The following RARB variants were observed in gnomAD, a reference collection of about 807,000 sequenced individuals.
RARB encodes retinoic acid receptor beta.
RARB carries 17 observed loss-of-function variants against 51.9 expected under a neutral mutation model. The ratio of observed to expected loss-of-function variants is 0.33; its 90% confidence interval spans 0.22 to 0.49. The LOEUF is 0.49. Ranked by LOEUF, RARB falls within the 20% of genes least tolerant of loss-of-function variation. The pLI is 0.99. For synonymous variants in RARB, 215 were observed against 195.4 expected (o/e 1.10, Z -0.84); for missense variants, 369 against 550.8 (o/e 0.67, Z 3.30).
At chr3:25,031,414 C>T (rs540692673) in intron 2 of RARB, among the ~76,000 whole-genome samples, 4 of 152,236 alleles carry the variant, frequency 2.6e-5, no homozygotes, top group Admixed American at 2.6e-4. Context: ...TACAAATTCC[C>T]AAGGAAAGAG....
In RARB at chr3:25,369,418, A is replaced by C. The variant is rs146700938; in HGVS notation, c.179-91775A>C. Among the ~76,000 whole-genome samples the C allele has an allele frequency of 4.1e-3, 625 of 152,296 alleles. 1 individual carries two copies. Among genetic ancestry groups the C allele is most frequent in the Non-Finnish European group, 6.7e-3 (456 of 68,024 alleles). On this transcript the variant is annotated intron_variant, in intron 5 of 11. Coordinates refer to the RARB transcript ENST00000383772. ...TGAGAATACAATAATGAAAAGAAGA[A>C]ATAAGATGCTGATCCTCAGAGCAGC...
intron 5 of RARB, among the ~76,000 whole-genome samples, chr3:25,348,027 C>T (rs1054291834): frequency 3.9e-5 from 6 of 152,170 alleles, no homozygotes; most frequent in African/African-American, 1.4e-4. Flanking sequence ...CTGATTAATG[C>T]ACATTTTTCA....
chr3:25,526,837 T>C (rs1468831255), intron 3 of RARB, among the ~76,000 whole-genome samples: 2 of 152,220 alleles, frequency 1.3e-5, no homozygotes, highest in Non-Finnish European at 2.9e-5. Context: ...TAGTTTCCCA[T>C]GATTCCTTAC....
chr3:25,416,955 C>T (rs1707721151), intron 5 of RARB, among the ~76,000 whole-genome samples: 1 of 152,158 alleles, frequency 6.6e-6, no homozygotes, highest in Non-Finnish European at 1.5e-5. Flanking sequence ...CTCTGGCTCA[C>T]CAACTTAGTT....
chr3:24,973,427 T>A (rs1696444307), intron 2 of RARB, among the ~76,000 whole-genome samples: 1 of 152,078 alleles, frequency 6.6e-6, no homozygotes, highest in African/African-American at 2.4e-5. Flanking sequence ...TTCTTTTTGA[T>A]CAGCATTGCT....
chr3:24,945,316 C>T (rs1695750683), intron 2 of RARB, among the ~76,000 whole-genome samples: 1 of 152,192 alleles, frequency 6.6e-6, no homozygotes. Flanking sequence ...TCTGTACACC[C>T]TTTGCCTACA....
intron 5 of RARB, among the ~76,000 whole-genome samples, chr3:25,299,569 A>T (rs888654552): frequency 6.6e-6 from 1 of 152,186 alleles, no homozygotes; most frequent in Non-Finnish European, 1.5e-5. Context: ...AGTGCCTGGT[A>T]TGATTTTCTT....
chr3:25,001,393 G>C (rs1441934046), intron 2 of RARB, among the ~76,000 whole-genome samples: 2 of 152,140 alleles, frequency 1.3e-5, no homozygotes, highest in Non-Finnish European at 2.9e-5. Flanking sequence ...TTTTGTGAGA[G>C]GTTTTGATAA....
chr3:25,230,431 C>T (rs1702150412), intron 5 of RARB, among the ~76,000 whole-genome samples: 1 of 152,024 alleles, frequency 6.6e-6, no homozygotes, highest in Non-Finnish European at 1.5e-5. Flanking sequence ...GCTAGAATGA[C>T]ATGAAGAAAC....
intron 5 of RARB, among the ~76,000 whole-genome samples, chr3:25,420,344 C>T (rs898641540): frequency 6.6e-6 from 1 of 152,126 alleles, no homozygotes; most frequent in African/African-American, 2.4e-5. Context: ...GAAGGAAATT[C>T]CTTTGGGCTT....
chr3:25,569,957 A>G (rs757375575), intron 4 of RARB, 39 bp downstream of exon 4: 105 of 1,582,296 alleles, frequency 6.6e-5, no homozygotes, highest in Non-Finnish European at 8.7e-5. Flanking sequence ...GGGAGTGTGG[A>G]AACCTTGTAC....
intron 2 of RARB, among the ~76,000 whole-genome samples, chr3:25,469,084 T>C (rs1379301578): frequency 3.9e-5 from 6 of 152,230 alleles, no homozygotes; most frequent in Non-Finnish European, 8.8e-5. Context: ...AGGGCTAATT[T>C]TGTCCATTTT....
intron 2 of RARB, among the ~76,000 whole-genome samples, chr3:25,473,996 C>T (rs1467264681): frequency 6.7e-6 from 1 of 149,496 alleles, no homozygotes. Context: ...GTTCTGTGAG[C>T]CTTAAAATAA....
At chr3:25,361,309 GC>G in intron 5 of RARB, among the ~76,000 whole-genome samples, 1 of 152,232 alleles carries the variant, frequency 6.6e-6, no homozygotes, top group African/African-American at 2.4e-5. Flanking sequence ...AAGTTCTTGT[GC>G]TATGTTTTTC....
At chr3:25,433,156 C>T (rs1347303859) in intron 1 of RARB, among the ~76,000 whole-genome samples, 1 of 152,164 alleles carries the variant, frequency 6.6e-6, no homozygotes, top group Non-Finnish European at 1.5e-5. Flanking sequence ...TAGATAGAAT[C>T]TTGCCTTTCA....
At chr3:24,979,368 G>A (rs1307809960) in intron 2 of RARB, among the ~76,000 whole-genome samples, 1 of 152,144 alleles carries the variant, frequency 6.6e-6, no homozygotes, top group Non-Finnish European at 1.5e-5. Flanking sequence ...TTGTGTGGGA[G>A]TCTAAGTCTC....
intron 5 of RARB, chr3:25,174,588 G>A (rs1203074289): frequency 7.4e-7 from 1 of 1,351,898 alleles, no homozygotes; most frequent in Non-Finnish European, 9.8e-7. Flanking sequence ...AAGTCCTGCT[G>A]GAATTTGCTC....
chr3:25,502,702 G>A (rs906722192), intron 3 of RARB, among the ~76,000 whole-genome samples: 3 of 152,152 alleles, frequency 2.0e-5, no homozygotes, highest in African/African-American at 4.8e-5. Context: ...AGACTCGTGC[G>A]TAGAATATCA....
At chr3:24,861,914 G>A (rs1255023327) in intron 2 of RARB, among the ~76,000 whole-genome samples, 1 of 152,218 alleles carries the variant, frequency 6.6e-6, no homozygotes, top group African/African-American at 2.4e-5. Flanking sequence ...CACTGGTAGG[G>A]CAGTAAACCA....
Sources: allele counts gnomAD v4.1 joint callset (sites outside exome capture counted in the v4.1 genomes callset), GRCh38; gene constraint gnomAD v4.1.1; transcripts MANE v1.5; gene names NCBI Gene and HGNC (gene_info 2026-07-23, HGNC 2026-07-21).